KAZN: variants seen among roughly 807,000 people sequenced by gnomAD.
The protein encoded by KAZN is kazrin, periplakin interacting protein, also known as kazrin.
KAZN carries 40 observed loss-of-function variants against 87.4 expected under a neutral mutation model. The observed-to-expected ratio is 0.46, with a 90% CI of 0.36 to 0.60. The LOEUF is 0.60. Ranked by LOEUF, KAZN falls within the 20% of genes least tolerant of loss-of-function variation. The pLI, the probability that KAZN is intolerant of heterozygous loss-of-function variation, is 0.00. For synonymous variants in KAZN, 466 were observed against 458.3 expected (o/e 1.02, Z -0.22); for missense variants, 898 against 1,073.9 (o/e 0.84, Z 2.29).
intron 2 of KAZN, among the ~76,000 whole-genome samples, chr1:14,317,011 G>A (rs188426298): frequency 2.8e-4 from 43 of 151,786 alleles, no homozygotes; most frequent in African/African-American, 1.0e-3. Context: ...TCCATTATTG[G>A]GTCTGTTGAA....
At position 14,915,407 on chromosome 1, in the gene KAZN, C is replaced by G. The variant is rs560690040; in HGVS notation, c.227-45277C>G. 1.1e-4 allele frequency among the ~76,000 whole-genome samples: 16 copies of G among 152,208 alleles called. 1 individual carries two copies. In the East Asian group the frequency reaches 3.1e-3, roughly 30 times the overall value. On this transcript the variant is annotated intron_variant, in intron 1 of 14. Coordinates refer to ENST00000376030, the MANE Select transcript of KAZN (RefSeq NM_201628.3). ...CTTGGGCCCCTTGCTGGCCCCTGGC[C>G]CTCTGTGTCTCTCAAATCACACGCA... is the stretch of plus-strand genomic sequence containing the variant.
At chr1:13,950,097 A>G (rs559411311) in intron 1 of KAZN, among the ~76,000 whole-genome samples, 5 of 152,296 alleles carry the variant, frequency 3.3e-5, no homozygotes, top group Non-Finnish European at 7.4e-5. Context: ...CTGCTCCCTG[A>G]GCCTTGCTCC....
intron 1 of KAZN, among the ~76,000 whole-genome samples, chr1:14,935,963 G>A (rs868747393): frequency 5.3e-5 from 8 of 152,356 alleles, no homozygotes; most frequent in Middle Eastern, 3.4e-3. Context: ...TTTTAGAAGA[G>A]CAGAGGGCCA....
intron 1 of KAZN, among the ~76,000 whole-genome samples, chr1:14,841,140 G>T (rs566234553): frequency 6.6e-6 from 1 of 151,564 alleles, no homozygotes; most frequent in African/African-American, 2.4e-5. Flanking sequence ...ATAAGCGGCC[G>T]GGTGTGGTGG....
intron 2 of KAZN, among the ~76,000 whole-genome samples, chr1:15,004,771 G>A (rs182301984): frequency 2.7e-4 from 41 of 152,254 alleles, no homozygotes; most frequent in Admixed American, 1.6e-3. Context: ...TGCCTTAAGC[G>A]CTCATTGACC....
chr1:13,905,021 T>A (rs1011402430), intron 1 of KAZN, among the ~76,000 whole-genome samples: 4 of 152,236 alleles, frequency 2.6e-5, no homozygotes, highest in African/African-American at 9.6e-5. Flanking sequence ...TGTCTAATCT[T>A]CAGCTGAACT....
intron 1 of KAZN, among the ~76,000 whole-genome samples, chr1:14,169,911 G>A (rs1645916146): frequency 6.6e-6 from 1 of 152,122 alleles, no homozygotes; most frequent in East Asian, 1.9e-4. Flanking sequence ...ATGGAGGCAG[G>A]GTTCAAACTC....
chr1:13,997,117 A>G (rs1639558299), intron 1 of KAZN, among the ~76,000 whole-genome samples: 1 of 152,116 alleles, frequency 6.6e-6, no homozygotes, highest in South Asian at 2.1e-4. Context: ...AGCCCTACAG[A>G]AGAGGGACTT....
At chr1:14,380,540 C>T (rs185087698) in intron 2 of KAZN, among the ~76,000 whole-genome samples, 5 of 152,196 alleles carry the variant, frequency 3.3e-5, no homozygotes, top group African/African-American at 1.2e-4. Context: ...AAGAACCAAG[C>T]AGAAATTCTA....
chr1:14,516,655 A>G (rs1671314691), intron 2 of KAZN, among the ~76,000 whole-genome samples: 1 of 152,196 alleles, frequency 6.6e-6, no homozygotes, highest in Non-Finnish European at 1.5e-5. Flanking sequence ...TTTGTCTTGT[A>G]TGTTTGAAGC....
At chr1:14,537,946 GTTA>G (rs1672597637) in intron 2 of KAZN, among the ~76,000 whole-genome samples, 1 of 152,322 alleles carries the variant, frequency 6.6e-6, no homozygotes, top group South Asian at 2.1e-4. Flanking sequence ...ATAAATGGGG[GTTA>G]TTATGCAGAA....
At chr1:14,050,109 CAT>C (rs1464533259) in intron 1 of KAZN, among the ~76,000 whole-genome samples, 1 of 92,154 alleles carries the variant, frequency 1.1e-5, no homozygotes, top group East Asian at 2.0e-4. Flanking sequence ...TGTATGTGCA[CAT>C]GTGTGTGGGC....
intron 2 of KAZN, among the ~76,000 whole-genome samples, chr1:14,287,923 T>A (rs536878027): frequency 7.9e-5 from 12 of 151,892 alleles, no homozygotes; most frequent in African/African-American, 2.9e-4. Flanking sequence ...CTTTTGTGCA[T>A]CTGTTGAGAT....
At chr1:14,855,318 A>G (rs1649959506) in intron 1 of KAZN, among the ~76,000 whole-genome samples, 1 of 152,188 alleles carries the variant, frequency 6.6e-6, no homozygotes, top group Non-Finnish European at 1.5e-5. Context: ...CCTGCTGATA[A>G]GGAGTTTCTA....
At chr1:14,579,635 T>TAA (rs1187739247) in intron 2 of KAZN, among the ~76,000 whole-genome samples, 3 of 124,580 alleles carry the variant, frequency 2.4e-5, no homozygotes, top group African/African-American at 3.0e-5. Context: ...AAAAAAAAAT[T>TAA]AAAAAAAAAA....
chr1:14,488,360 T>C (rs1446492660), intron 2 of KAZN, among the ~76,000 whole-genome samples: 2 of 152,224 alleles, frequency 1.3e-5, no homozygotes, highest in South Asian at 2.1e-4. Context: ...CGCTAAGGTC[T>C]GAACAATTCC....
intron 2 of KAZN, among the ~76,000 whole-genome samples, chr1:14,538,826 A>G (rs1190234064): frequency 6.6e-6 from 1 of 152,222 alleles, no homozygotes; most frequent in Non-Finnish European, 1.5e-5. Flanking sequence ...CACCAGAATG[A>G]TAGCCCAGAT....
intron 1 of KAZN, among the ~76,000 whole-genome samples, chr1:14,056,859 A>G (rs1270330895): frequency 7.9e-5 from 12 of 152,046 alleles, no homozygotes; most frequent in Non-Finnish European, 7.4e-5. Flanking sequence ...TAGACAACAA[A>G]CAAACAGAAA....
chr1:13,975,607 A>G (rs1218685727), intron 1 of KAZN, among the ~76,000 whole-genome samples: 1 of 152,246 alleles, frequency 6.6e-6, no homozygotes, highest in Non-Finnish European at 1.5e-5. Context: ...TTAGAACAGA[A>G]TAGATACTCA....
Sources: gnomAD v4.1 joint callset for allele counts (sites outside exome capture counted in the v4.1 genomes callset) on GRCh38, gnomAD v4.1.1 for gene constraint, MANE v1.5 for transcripts, NCBI Gene and HGNC (gene_info 2026-07-23, HGNC 2026-07-21) for gene names.